The following XPO7 variants were observed in gnomAD, a reference collection of about 807,000 sequenced individuals.
The protein encoded by XPO7 is exportin-7.
XPO7 carries 21 observed loss-of-function variants against 144.3 expected under a neutral mutation model. The observed-to-expected ratio is 0.15, with a 90% CI of 0.10 to 0.21. The LOEUF (loss-of-function observed/expected upper bound fraction) is 0.21, where lower values mean the gene tolerates loss of function less well. XPO7 is among the 10% of genes least tolerant of loss of function. XPO7 has a pLI of 1.00. For synonymous variants in XPO7, 580 were observed against 499.6 expected (o/e 1.16, Z -2.15); for missense variants, 808 against 1,325.8 (o/e 0.61, Z 6.06).
chr8:21,926,962 T>C (rs550486495), intron 1 of XPO7, among the ~76,000 whole-genome samples: 2 of 152,186 alleles, frequency 1.3e-5, no homozygotes, highest in Non-Finnish European at 2.9e-5. Context: ...TACTGGAAAA[T>C]GTGACCTTGT....
At position 22,006,253 on chromosome 8, in the gene XPO7, A is replaced by G. The variant is rs1563343116; in HGVS notation, c.*1165A>G. 1 of 152,148 alleles carries G rather than the reference A, an allele frequency of 6.6e-6. No individual in the cohort carries two copies. The highest frequency in any genetic ancestry group is 2.4e-5 in the African/African-American group (1 of 41,412). 9.4% of individuals were successfully genotyped at this position (152,148 alleles called of 1,614,324 possible). A position where few individuals can be genotyped will look rare whatever the true frequency, so the allele number is the denominator to read the frequency against. On this transcript the variant is annotated 3_prime_UTR_variant, in exon 28 of 28. Transcript: ENST00000252512. ...TACATTTTTATAAAATGAAAACCAT[A>G]ATAAATGTTTTGAATATTAAAAAAA...
At chr8:21,924,673 A>T (rs1441709532) in intron 1 of XPO7, among the ~76,000 whole-genome samples, 3 of 152,086 alleles carry the variant, frequency 2.0e-5, no homozygotes, top group Non-Finnish European at 4.4e-5. Flanking sequence ...TTTTACCCAC[A>T]ATTTTAGGCC....
rs2117278628 is a variant in XPO7 at position 21,946,337 on chromosome 8, G to C, written c.19-20520G>C. ...AAAAAGTGACCGTCAAAAACAACAAGGCATACTTGAAAAATAATCAAATAT... is the reference window on the plus strand; with the variant it reads ...AAAAAGTGACCGTCAAAAACAACAACGCATACTTGAAAAATAATCAAATAT... On this transcript the variant is annotated intron_variant, in intron 1 of 27. Transcript: ENST00000252512. Among the ~76,000 whole-genome samples the C allele has an allele frequency of 2.6e-5, 4 of 151,920 alleles. 1 individual carries two copies. In the Middle Eastern group the frequency reaches 0.01, roughly 388 times the overall value.
intron 1 of XPO7, among the ~76,000 whole-genome samples, chr8:21,924,384 G>A (rs1053475672): frequency 1.3e-5 from 2 of 151,914 alleles, no homozygotes; most frequent in Non-Finnish European, 2.9e-5. Flanking sequence ...CCCAAATCAA[G>A]TCAGTATTAT....
intron 15 of XPO7, 197 bp from the exon 16 acceptor site, chr8:21,988,806 G>A (rs1228368841): frequency 1.7e-6 from 1 of 581,672 alleles, no homozygotes; most frequent in African/African-American, 1.9e-5. Flanking sequence ...AAGATTATCT[G>A]AAGGATAATT....
chr8:21,945,184 T>C (rs906741966), intron 1 of XPO7, among the ~76,000 whole-genome samples: 23 of 152,084 alleles, frequency 1.5e-4, no homozygotes, highest in African/African-American at 5.5e-4. Context: ...ACGGGGCAGC[T>C]GGGCAGAGGC....
At chr8:21,944,014 C>G (rs904230843) in intron 1 of XPO7, among the ~76,000 whole-genome samples, 4 of 152,144 alleles carry the variant, frequency 2.6e-5, no homozygotes, top group African/African-American at 7.2e-5. Flanking sequence ...TAAAATCTCT[C>G]TGAATACCCT....
chr8:21,965,025 A>G, intron 1 of XPO7, among the ~76,000 whole-genome samples: 1 of 152,212 alleles, frequency 6.6e-6, no homozygotes, highest in Non-Finnish European at 1.5e-5. Context: ...GGAGGTTCTG[A>G]GGCTGCTGCT....
At chr8:21,989,346 G>A (rs1812684331) in intron 16 of XPO7, among the ~76,000 whole-genome samples, 1 of 152,206 alleles carries the variant, frequency 6.6e-6, no homozygotes, top group Non-Finnish European at 1.5e-5. Flanking sequence ...GTGCATAGTA[G>A]CCCCATCTCA....
chr8:21,988,677 G>A (rs910151685), intron 15 of XPO7: 7 of 294,296 alleles, frequency 2.4e-5, no homozygotes, highest in South Asian at 4.1e-5. Context: ...AATTGCATAC[G>A]TCTGCATGTT....
intron 19 of XPO7, among the ~76,000 whole-genome samples, chr8:21,993,025 C>G (rs879532183): frequency 2.0e-5 from 3 of 152,160 alleles, no homozygotes; most frequent in Non-Finnish European, 2.9e-5. Flanking sequence ...ATCTACAAAT[C>G]AGCAGGGTAG....
intron 27 of XPO7, 53 bp from the exon 28 acceptor site, chr8:22,004,942 A>C (rs1813275129): frequency 4.4e-6 from 4 of 901,092 alleles, no homozygotes; most frequent in East Asian, 3.2e-5. Context: ...AAAAAAGGCA[A>C]ATACCTTTCC....
Position 22,005,755 on chromosome 8 carries a change from A to C in XPO7, c.*667A>C, listed in dbSNP as rs1370695550. ...ATTAGGAACTCTAAGCCATGCCAGA[A>C]CACCGTCCCTCCCCTTGGACCGTGT... On this transcript the variant is annotated 3_prime_UTR_variant, in exon 28 of 28. Transcript: ENST00000252512. 6.6e-6 allele frequency: 1 copy of C among 152,274 alleles called. No individual in the cohort carries two copies. 9.4% of individuals were successfully genotyped at this position (152,274 alleles called of 1,614,324 possible).
chr8:21,993,942 T>C (rs984656755), intron 19 of XPO7, among the ~76,000 whole-genome samples: 3 of 151,518 alleles, frequency 2.0e-5, no homozygotes, highest in Non-Finnish European at 4.4e-5. Flanking sequence ...TCTCTCTCTG[T>C]CTCTCTCTCC....
At chr8:21,932,441 T>C (rs1810682960) in intron 1 of XPO7, among the ~76,000 whole-genome samples, 1 of 152,218 alleles carries the variant, frequency 6.6e-6, no homozygotes, top group Non-Finnish European at 1.5e-5. Flanking sequence ...CCCTGAATTC[T>C]TTGCTTCTGT....
intron 14 of XPO7, 139 bp from the exon 15 acceptor site, chr8:21,987,645 C>T: frequency 1.1e-6 from 1 of 933,204 alleles, no homozygotes; most frequent in Non-Finnish European, 1.6e-6. Context: ...TGGAAACTAG[C>T]TTATCCCTTC....
intron 1 of XPO7, among the ~76,000 whole-genome samples, chr8:21,944,702 C>T (rs918080189): frequency 1.3e-5 from 2 of 152,136 alleles, no homozygotes; most frequent in Admixed American, 6.5e-5. Context: ...GGAAGGTCAG[C>T]AGATAAACAT....
rs747143377 is a variant in XPO7, at chr8:21,967,042, T to C, written c.165+39T>C. On this transcript the variant is annotated intron_variant, in intron 2 of 27. Coordinates refer to ENST00000252512, the MANE Select transcript of XPO7 (RefSeq NM_015024.5). ...GAAAATCCTAAAGGATAACAGGCGCTTCGGAAACGTTATTCTGGTTCTCTG... is the reference window on the plus strand; with the variant it reads ...GAAAATCCTAAAGGATAACAGGCGCCTCGGAAACGTTATTCTGGTTCTCTG... 5.7e-6 allele frequency: 9 copies of C among 1,589,224 alleles called. No individual in the cohort carries two copies. The African/African-American group carries it at 1.1e-4, about 19-fold the overall frequency.
chr8:21,937,146 A>G (rs574584613), intron 1 of XPO7, among the ~76,000 whole-genome samples: 9 of 152,352 alleles, frequency 5.9e-5, no homozygotes, highest in African/African-American at 2.2e-4. Context: ...TGGCATGGCT[A>G]GAAAGTGTTT....
Sources: allele counts gnomAD v4.1 joint callset (sites outside exome capture counted in the v4.1 genomes callset), GRCh38; gene constraint gnomAD v4.1.1; transcripts MANE v1.5; gene names NCBI Gene and HGNC (gene_info 2026-07-23, HGNC 2026-07-21).